NOS2: variants seen among roughly 807,000 people sequenced by gnomAD.
The protein encoded by NOS2 is nitric oxide synthase, inducible.
A neutral mutation model predicts 136.0 loss-of-function variants in NOS2; 96 were observed. The ratio of observed to expected loss-of-function variants is 0.71; its 90% CI spans 0.60 to 0.84. The LOEUF (loss-of-function observed/expected upper bound fraction) is 0.84. Ranked by LOEUF, NOS2 falls within the 40% of genes least tolerant of loss-of-function variation. The pLI, the probability that NOS2 is intolerant of heterozygous loss-of-function variation, is 0.00. For missense variants in NOS2, 1,237 were observed against 1,496.9 expected (o/e 0.83, Z 2.87); for synonymous variants, 539 against 587.5 (o/e 0.92, Z 1.20).
At chr17:27,780,645 G>T (rs984681040) in intron 9 of NOS2, 122 bp downstream of exon 9, 1 of 1,281,494 alleles carries the variant, frequency 7.8e-7, no homozygotes, top group African/African-American at 1.5e-5. Context: ...CCAGCCCCCT[G>T]AGTGTCACCT....
rs765978169 is a variant in NOS2 at position 27,760,796 on chromosome 17, GCA to G, written c.2889-54_2889-53del. On this transcript the variant is annotated intron_variant, in intron 23 of 26. Coordinates refer to ENST00000313735, the MANE Select transcript of NOS2 (RefSeq NM_000625.4). Reference sequence around the variant, plus strand: ...CAGTCCTCAGACACCCCAGGCCCACGCACACACAGGATGGCTGGGGAGCTGGG... The same window carrying G: ...CAGTCCTCAGACACCCCAGGCCCACGCACACAGGATGGCTGGGGAGCTGGG... 3.9e-5 allele frequency: 59 copies of G among 1,523,274 alleles called. No homozygotes were observed. In the African/African-American group the frequency reaches 7.3e-4, roughly 19 times the overall value. 94.4% of individuals were successfully genotyped at this position (1,523,274 alleles called of 1,614,324 possible).
intron 24 of NOS2, 121 bp downstream of exon 24, chr17:27,760,502 A>G (rs999276494): frequency 1.8e-5 from 24 of 1,359,116 alleles, no homozygotes; most frequent in Non-Finnish European, 2.4e-5. Flanking sequence ...CGCACAGGGA[A>G]GCAAACTTGG....
Position 27,787,710 on chromosome 17 carries a change from T to C in NOS2, c.435A>G (p.Glu145=). The change falls in exon 5 of 27, where the codon GAA becomes GAG. Residue 145 remains glutamate (E), a synonymous_variant. Transcript: ENST00000313735. ...PPDELLPQAI[E]FVNQYYGSFK... Reference sequence around the variant, plus strand: ...AGGAGCCGTAATATTGGTTGACAAATTCGATAGCTTGAGGTAGAAGCTCAT... The same window carrying C: ...AGGAGCCGTAATATTGGTTGACAAACTCGATAGCTTGAGGTAGAAGCTCAT... The C allele has an allele frequency of 6.2e-7, 1 of 1,613,586 alleles. No homozygotes were observed. The highest frequency in any genetic ancestry group is 8.5e-7 in the Non-Finnish European group (1 of 1,179,798).
At chr17:27,796,994 C>T (rs556586193) in intron 2 of NOS2, among the ~76,000 whole-genome samples, 2 of 152,198 alleles carry the variant, frequency 1.3e-5, no homozygotes, top group Non-Finnish European at 2.9e-5. Flanking sequence ...TGGCTCCCTA[C>T]TGCCAGGGAG....
chr17:27,792,400 AC>A (rs768635409), intron 2 of NOS2, among the ~76,000 whole-genome samples: 27 of 152,290 alleles, frequency 1.8e-4, no homozygotes, highest in Non-Finnish European at 3.1e-4. Flanking sequence ...ACATCTTCCA[AC>A]TTTTTACAGT....
In NOS2 at chr17:27,772,258, T is replaced by TCC. The variant is rs1231391734; in HGVS notation, c.1704+48_1704+49dup. ...GAAACCGTTTTAACTTTTCCTAGAC[T>TCC]CCCCTGCACACAAGCAGAAAAAACA... On this transcript the variant is annotated intron_variant, in intron 14 of 26. Coordinates refer to ENST00000313735, the MANE Select transcript of NOS2 (RefSeq NM_000625.4). 3.1e-6 allele frequency: 5 copies of TCC among 1,605,238 alleles called. No individual in the cohort carries two copies. In the East Asian group the frequency reaches 1.1e-4, roughly 36 times the overall value.
At chr17:27,794,348 G>A (rs1909286268) in intron 2 of NOS2, among the ~76,000 whole-genome samples, 1 of 152,198 alleles carries the variant, frequency 6.6e-6, no homozygotes. Context: ...AGGAGGGATC[G>A]TAAGCCCCTT....
At chr17:27,759,466 G>A (rs550623999) in intron 25 of NOS2, among the ~76,000 whole-genome samples, 17 of 152,240 alleles carry the variant, frequency 1.1e-4, no homozygotes, top group African/African-American at 3.9e-4. Context: ...TATGGATCCC[G>A]GGCTCCCCAG....
Position 27,766,490 on chromosome 17 carries a change from A to G in NOS2, c.2246+20T>C. On this transcript the variant is annotated intron_variant, in intron 19 of 26. Transcript: ENST00000313735. ...AAAATCGACAGAGTATCACCCACGA[A>G]GCCCTGCACTTTCCCTTACCTGGAT... 6.3e-7 allele frequency: 1 copy of G among 1,598,046 alleles called. No homozygotes were observed. Among genetic ancestry groups the G allele is most frequent in the Non-Finnish European group, 8.6e-7 (1 of 1,165,368 alleles).
intron 19 of NOS2, among the ~76,000 whole-genome samples, chr17:27,766,062 T>G (rs777701053): frequency 6.6e-6 from 1 of 152,224 alleles, no homozygotes; most frequent in Non-Finnish European, 1.5e-5. Context: ...AACCCTGTTC[T>G]TATTAGAACC....
Position 27,764,112 on chromosome 17 carries a change from G to T in NOS2, c.2461C>A (p.Pro821Thr), listed in dbSNP as rs1463778371. 2 of 1,587,886 alleles carry T rather than the reference G, an allele frequency of 1.3e-6. No individual in the cohort carries two copies. The highest frequency in any genetic ancestry group is 1.7e-6 in the Non-Finnish European group (2 of 1,167,904). ...GTGAGGGCCTGGCTGAGTGAGCAGGGGGGCAGCCTCTTGTCACTGACCCAG... is the reference window on the plus strand; with the variant it reads ...GTGAGGGCCTGGCTGAGTGAGCAGGTGGGCAGCCTCTTGTCACTGACCCAG... ...SYWVSDKRLP[P>T]CSLSQALTYF... Residue 821 changes from proline (P) to threonine (T), a missense_variant, in exon 21 of 27, where the codon CCC becomes ACC. By Grantham distance (38) the Pro-to-Thr change is conservative (BLOSUM62 -1). This residue lies in a region of NOS2 where 782 missense variants were observed against 909.9 expected (regional missense o/e 0.86). Coordinates refer to ENST00000313735, the MANE Select transcript of NOS2 (RefSeq NM_000625.4).
Position 27,757,240 on chromosome 17 carries a change from A to T in NOS2, c.*6T>A. ...TGCCGGCAGCTTTAACCCCTCCTGT[A>T]GGCCCTCAGAGCGCTGACATCTCCA... is the stretch of plus-strand genomic sequence containing the variant. On this transcript the variant is annotated 3_prime_UTR_variant, in exon 27 of 27. Coordinates refer to ENST00000313735, the MANE Select transcript of NOS2 (RefSeq NM_000625.4). 2 of 1,612,202 alleles carry T rather than the reference A, an allele frequency of 1.2e-6. No homozygotes were observed. Among genetic ancestry groups the T allele is most frequent in the Non-Finnish European group, 8.5e-7 (1 of 1,178,710 alleles).
chr17:27,766,663 A>C, intron 18 of NOS2, 75 bp from the exon 19 acceptor site: 1 of 1,156,712 alleles, frequency 8.6e-7, no homozygotes, highest in Non-Finnish European at 1.3e-6. Context: ...CAGATGTCTG[A>C]GTCAGTGACA....
At chr17:27,781,442 T>C (rs1433756632) in intron 7 of NOS2, among the ~76,000 whole-genome samples, 1 of 152,186 alleles carries the variant, frequency 6.6e-6, no homozygotes, top group Non-Finnish European at 1.5e-5. Context: ...GTCCTTGCAG[T>C]TGAGTTAGCT....
chr17:27,758,964 C>T lies in NOS2; in HGVS notation c.3271G>A (p.Val1091Met), dbSNP rs200807678. ...ACCAGCTGCTTCAGGGTGTGGGCCACGTCCCGGGCCATGCGCACATCCCCG... is the reference window on the plus strand; with the variant it reads ...ACCAGCTGCTTCAGGGTGTGGGCCATGTCCCGGGCCATGCGCACATCCCCG... ...VCGDVRMARD[V>M]AHTLKQLVAA... The change falls in exon 26 of 27, where the codon GTG (valine) becomes ATG (methionine). Residue 1091 changes from valine (V) to methionine (M), a missense_variant. Val to Met is a conservative substitution (Grantham distance 21). Coordinates refer to ENST00000313735, the MANE Select transcript of NOS2 (RefSeq NM_000625.4). The T allele has an allele frequency of 1.2e-5, 20 of 1,612,862 alleles. No individual in the cohort carries two copies. The highest frequency in any genetic ancestry group is 2.2e-5 in the East Asian group (1 of 44,836).
rs998587706 is a variant in NOS2 at position 27,759,030 on chromosome 17, G to C, written c.3205C>G (p.Leu1069Val). 5 of 1,608,568 alleles carry C rather than the reference G, an allele frequency of 3.1e-6. No homozygotes were observed. The highest frequency in any genetic ancestry group is 3.4e-6 in the Non-Finnish European group (4 of 1,178,100). Residue 1069 changes from leucine to valine, a missense_variant, in exon 26 of 27, where the codon CTC (leucine) becomes GTC (valine). This residue lies in a region of NOS2 where 782 missense variants were observed against 909.9 expected (regional missense o/e 0.86). Transcript: ENST00000313735. The part of the protein sequence containing the change: ...ILRQQLASEV[L>V]RVLHKEPGHL... ...CCTGGCTCCTTGTGGAGCACACGGA[G>C]CACCTCGCTGGCCAGCTGCTGCCGC...
chr17:27,793,106 G>A (rs374103137), intron 2 of NOS2, among the ~76,000 whole-genome samples: 43 of 148,154 alleles, frequency 2.9e-4, no homozygotes, highest in East Asian at 2.2e-3. Flanking sequence ...TGCCTGGGCT[G>A]ACCTGGGGGC....
chr17:27,780,193 G>T (rs1270193197), intron 9 of NOS2, among the ~76,000 whole-genome samples: 1 of 152,216 alleles, frequency 6.6e-6, no homozygotes, highest in Non-Finnish European at 1.5e-5. Context: ...CTGAGGAAAA[G>T]GCATGTCATG....
intron 9 of NOS2, among the ~76,000 whole-genome samples, chr17:27,779,310 T>C (rs1459771148): frequency 6.8e-6 from 1 of 147,326 alleles, no homozygotes; most frequent in Non-Finnish European, 1.5e-5. Flanking sequence ...ATTATTATTA[T>C]TATTATTATT....
Sources: gnomAD v4.1 joint callset for allele counts (sites outside exome capture counted in the v4.1 genomes callset) on GRCh38, gnomAD v4.1.1 for gene constraint, gnomAD v4.1.1 regional missense constraint, MANE v1.5 for transcripts, NCBI Gene and HGNC (gene_info 2026-07-23, HGNC 2026-07-21) for gene names.